AIG1: variants seen among roughly 807,000 people sequenced by gnomAD.
The protein encoded by AIG1 is androgen induced 1.
A neutral mutation model predicts 31.4 loss-of-function variants in AIG1; 23 were observed. The ratio of observed to expected loss-of-function variants is 0.73; its 90% CI spans 0.53 to 1.04. The LOEUF is 1.04. Among genes scored for constraint, AIG1 ranks in the 50% least tolerant of loss-of-function variants. The pLI is 0.00. For synonymous variants in AIG1, 100 were observed against 110.5 expected, an observed-to-expected ratio of 0.90 and a Z score of 0.60; for missense variants, 274 against 295.0, an observed-to-expected ratio of 0.93 and a Z score of 0.52.
intron 3 of AIG1, among the ~76,000 whole-genome samples, chr6:143,231,768 A>G (rs1793463264): frequency 6.6e-6 from 1 of 152,194 alleles, no homozygotes; most frequent in Non-Finnish European, 1.5e-5. Flanking sequence ...TGGCATTTAC[A>G]CTTACAGCAC....
At position 143,291,851 on chromosome 6, in the gene AIG1, C is replaced by T. The variant is rs775257224; in HGVS notation, c.515+7626C>T. On this transcript the variant is annotated intron_variant, in intron 4 of 5. Coordinates refer to ENST00000357847, the MANE Select transcript of AIG1 (RefSeq NM_016108.4). The surrounding 1 kb of genome is among the most constrained non-coding windows in gnomAD (Gnocchi z 4.2). ...CATTAGAGGCCACTGGAAAGACTGTCCTTAATTCAGATTGGCAGTCATTGG... is the reference window on the plus strand; with the variant it reads ...CATTAGAGGCCACTGGAAAGACTGTTCTTAATTCAGATTGGCAGTCATTGG... Among the ~76,000 whole-genome samples the T allele has an allele frequency of 7.2e-5, 11 of 152,112 alleles. No homozygotes were observed. The highest frequency in any genetic ancestry group is 1.2e-4 in the Non-Finnish European group (8 of 68,016).
At chr6:143,274,037 C>T (rs779023302) in intron 3 of AIG1, among the ~76,000 whole-genome samples, 1 of 152,150 alleles carries the variant, frequency 6.6e-6, no homozygotes, top group East Asian at 1.9e-4. Flanking sequence ...GCTCTTGCTA[C>T]CTGTGGGATT....
rs557871556 is a variant in AIG1 at position 143,128,615 on chromosome 6, G to T, written c.142-8220G>T. On this transcript the variant is annotated intron_variant, in intron 1 of 5. Coordinates refer to ENST00000357847, the MANE Select transcript of AIG1 (RefSeq NM_016108.4). ...GGCTGGAGTCGAATAATACTTCAAG[G>T]TAATCCTGCTTAAGATCCACTTGTG... Among the ~76,000 whole-genome samples the T allele has an allele frequency of 1.7e-4, 26 of 152,274 alleles. No individual in the cohort carries two copies. The South Asian group carries it at 2.1e-3, about 12-fold the overall frequency.
At chr6:143,227,723 T>C (rs1303129346) in intron 3 of AIG1, among the ~76,000 whole-genome samples, 1 of 152,066 alleles carries the variant, frequency 6.6e-6, no homozygotes, top group Non-Finnish European at 1.5e-5. Flanking sequence ...TTAGTGGCCA[T>C]AGGGGTTGGG....
At chr6:143,171,599 G>A (rs1787646599) in intron 3 of AIG1, among the ~76,000 whole-genome samples, 1 of 144,478 alleles carries the variant, frequency 6.9e-6, no homozygotes, top group African/African-American at 2.6e-5. Context: ...ATTTGGAAAG[G>A]TTCTATATTT....
rs1180916186 is a variant in AIG1, at chr6:143,122,686, G to A, written c.142-14149G>A. Among the ~76,000 whole-genome samples, 4 of 152,030 alleles carry A rather than the reference G, an allele frequency of 2.6e-5. No individual in the cohort carries two copies. The East Asian group carries it at 5.8e-4, about 22-fold the overall frequency. ...GTACATGAGATTAGTTCTTCATAGTGTTTTTTTATCTCCTCAAATCCACTG... is the reference window on the plus strand; with the variant it reads ...GTACATGAGATTAGTTCTTCATAGTATTTTTTTATCTCCTCAAATCCACTG... On this transcript the variant is annotated intron_variant, in intron 1 of 5. Transcript: ENST00000357847.
chr6:143,302,652 C>G (rs1798915042), intron 4 of AIG1, among the ~76,000 whole-genome samples: 1 of 152,118 alleles, frequency 6.6e-6, no homozygotes, highest in South Asian at 2.1e-4. Context: ...GGTTCCAAGT[C>G]TTTGCTATTG....
intron 1 of AIG1, among the ~76,000 whole-genome samples, chr6:143,107,452 T>G (rs1780902850): frequency 1.3e-5 from 2 of 152,176 alleles, no homozygotes; most frequent in African/African-American, 4.8e-5. Flanking sequence ...CTGTATAAAA[T>G]TATGGTGATA....
chr6:143,246,283 A>T (rs1794617917), intron 3 of AIG1, among the ~76,000 whole-genome samples: 1 of 149,458 alleles, frequency 6.7e-6, no homozygotes. Flanking sequence ...AAAAAAAAAA[A>T]GAGGTTTAAT....
intron 3 of AIG1, among the ~76,000 whole-genome samples, chr6:143,250,776 C>T (rs1794954114): frequency 6.6e-6 from 1 of 152,110 alleles, no homozygotes; most frequent in African/African-American, 2.4e-5. Flanking sequence ...TTGAATGCAC[C>T]CCAACACAAA....
In AIG1 at chr6:143,333,512, A is replaced by T; in HGVS notation, c.679+67A>T. 1.3e-6 allele frequency: 2 copies of T among 1,511,352 alleles called. No homozygotes were observed. Among genetic ancestry groups the T allele is most frequent in the Non-Finnish European group, 1.8e-6 (2 of 1,113,924 alleles). 93.6% of individuals were successfully genotyped at this position (1,511,352 alleles called of 1,614,324 possible). A position where few individuals can be genotyped will look rare whatever the true frequency, so the allele number is the denominator to read the frequency against. On this transcript the variant is annotated intron_variant, in intron 5 of 5. Coordinates refer to ENST00000357847, the MANE Select transcript of AIG1 (RefSeq NM_016108.4). This position sits in a 1 kb window ranked among gnomAD's most constrained non-coding sequence, Gnocchi z 4.6. ...CCGGCAACAGTCTATGCAGAGACTG[A>T]GGGAAAATTCCACTGTAGCCTCTTC... is the stretch of plus-strand genomic sequence containing the variant.
intron 2 of AIG1, among the ~76,000 whole-genome samples, chr6:143,150,279 A>G (rs1037837015): frequency 6.6e-6 from 1 of 152,144 alleles, no homozygotes; most frequent in Non-Finnish European, 1.5e-5. Flanking sequence ...AGTGCCTTCT[A>G]TATTTTGGTG....
At chr6:143,140,580 A>G (rs1336735943) in intron 2 of AIG1, among the ~76,000 whole-genome samples, 1 of 152,188 alleles carries the variant, frequency 6.6e-6, no homozygotes, top group Non-Finnish European at 1.5e-5. Flanking sequence ...GCAATGCCAC[A>G]AGGAATCACA....
At chr6:143,073,270 A>G (rs1485419113) in intron 1 of AIG1, among the ~76,000 whole-genome samples, 3 of 152,158 alleles carry the variant, frequency 2.0e-5, no homozygotes, top group South Asian at 2.1e-4. Context: ...CCATTTGTCT[A>G]TCAACAGAGA....
intron 1 of AIG1, among the ~76,000 whole-genome samples, chr6:143,086,703 C>T (rs1346413755): frequency 6.6e-6 from 1 of 152,138 alleles, no homozygotes; most frequent in East Asian, 1.9e-4. Context: ...AAGTGAAAGT[C>T]TGAAGCATTA....
intron 1 of AIG1, among the ~76,000 whole-genome samples, chr6:143,069,248 C>G (rs1363514172): frequency 6.6e-6 from 1 of 152,150 alleles, no homozygotes; most frequent in Non-Finnish European, 1.5e-5. Flanking sequence ...AACTCCTGGG[C>G]TCAAGCGATC....
At chr6:143,102,114 C>T (rs1349060591) in intron 1 of AIG1, among the ~76,000 whole-genome samples, 1 of 151,894 alleles carries the variant, frequency 6.6e-6, no homozygotes, top group Non-Finnish European at 1.5e-5. Flanking sequence ...TATGTTCATC[C>T]CTAGAGAACT....
Position 143,091,861 on chromosome 6 carries a change from T to C in AIG1, c.141+30795T>C, listed in dbSNP as rs528436131. On this transcript the variant is annotated intron_variant, in intron 1 of 5. Coordinates refer to ENST00000357847, the MANE Select transcript of AIG1 (RefSeq NM_016108.4). ...GATGAAATGTACTATTGCTTCTCTT[T>C]GTTTAATTTTGTTACTTTTTTCCTC... 3.3e-4 allele frequency among the ~76,000 whole-genome samples: 51 copies of C among 152,316 alleles called. No individual in the cohort carries two copies. In the South Asian group the frequency reaches 9.7e-3, roughly 29 times the overall value.
At chr6:143,265,283 G>A (rs540362940) in intron 3 of AIG1, among the ~76,000 whole-genome samples, 56 of 152,300 alleles carry the variant, frequency 3.7e-4, no homozygotes, top group Admixed American at 1.2e-3. Context: ...AGCCACAGGG[G>A]AAGATTGTAA....
Sources: gnomAD v4.1 joint callset for allele counts (sites outside exome capture counted in the v4.1 genomes callset) on GRCh38, gnomAD v4.1.1 for gene constraint, Gnocchi (gnomAD v3.1) non-coding constraint, MANE v1.5 for transcripts, NCBI Gene and HGNC (gene_info 2026-07-23, HGNC 2026-07-21) for gene names.